FUT8: variants seen among roughly 807,000 people sequenced by gnomAD.
FUT8 encodes fucosyltransferase 8.
Under a neutral mutation model 71.3 loss-of-function variants are expected in FUT8, and 29 were observed. The ratio of observed to expected loss-of-function variants is 0.41; its 90% CI spans 0.30 to 0.55. FUT8 has a LOEUF of 0.55. FUT8 is among the 20% of genes least tolerant of loss of function. The pLI is 0.34. For missense variants in FUT8, 544 were observed against 702.1 expected (o/e 0.77, Z 2.55); for synonymous variants, 254 against 239.3 (o/e 1.06, Z -0.57).
At chr14:65,568,151 G>T (rs761071901) in intron 3 of FUT8, among the ~76,000 whole-genome samples, 1 of 151,482 alleles carries the variant, frequency 6.6e-6, no homozygotes, top group African/African-American at 2.4e-5. Context: ...TTGGTGAGAC[G>T]TGTTTTTCAA....
At chr14:65,587,841 A>G (rs909130394) in intron 3 of FUT8, among the ~76,000 whole-genome samples, 54 of 152,208 alleles carry the variant, frequency 3.5e-4, no homozygotes, top group Non-Finnish European at 7.3e-4. Context: ...ATTCTGTAAC[A>G]TTTGATGATA....
chr14:65,518,291 A>G (rs1882844361), intron 2 of FUT8, among the ~76,000 whole-genome samples: 1 of 152,190 alleles, frequency 6.6e-6, no homozygotes, highest in Non-Finnish European at 1.5e-5. Flanking sequence ...AACACAGCTA[A>G]GCAGAGCTTC....
At chr14:65,390,638 T>C in the FUT8 span, among the ~76,000 whole-genome samples, 3 of 152,214 alleles carry the variant, frequency 2.0e-5, no homozygotes, top group South Asian at 2.1e-4. Flanking sequence ...AGATGATGTA[T>C]TTAAAGGAGG....
the FUT8 span, among the ~76,000 whole-genome samples, chr14:65,390,347 T>G: frequency 6.6e-6 from 1 of 150,420 alleles, no homozygotes; most frequent in African/African-American, 2.4e-5. Flanking sequence ...AATACATGCT[T>G]GTAAGTAAGA....
At chr14:65,527,194 G>A (rs1222503241) in intron 2 of FUT8, among the ~76,000 whole-genome samples, 8 of 152,166 alleles carry the variant, frequency 5.3e-5, no homozygotes, top group Admixed American at 3.9e-4. Flanking sequence ...TCACTTTCAG[G>A]TATGCCAATC....
At chr14:65,641,884 C>G (rs1890859824) in intron 6 of FUT8, among the ~76,000 whole-genome samples, 1 of 151,042 alleles carries the variant, frequency 6.6e-6, no homozygotes, top group South Asian at 2.1e-4. Flanking sequence ...TGTTTGCTTT[C>G]TTCTTATTGA....
intron 1 of FUT8, among the ~76,000 whole-genome samples, chr14:65,418,861 T>C (rs2065254853): frequency 1.3e-5 from 2 of 152,234 alleles, no homozygotes; most frequent in African/African-American, 4.8e-5. Flanking sequence ...TATAATGATA[T>C]CATTTCCTTT....
At chr14:65,476,637 ATTTTTTTTTTTTTTTTTTTTTTT>A (rs200882761) in intron 2 of FUT8, among the ~76,000 whole-genome samples, 4 of 125,130 alleles carry the variant, frequency 3.2e-5, no homozygotes, top group Non-Finnish European at 5.1e-5. Flanking sequence ...AAAGAAGTAG[ATTTTTTTTTTTTTTTTTTTTTTT>A]TTTTTTTTTT....
At chr14:65,362,685 G>C in the FUT8 span, among the ~76,000 whole-genome samples, 1 of 152,042 alleles carries the variant, frequency 6.6e-6, no homozygotes, top group East Asian at 1.9e-4. Flanking sequence ...CTCATTAGCC[G>C]GGCGTGGTGG....
intron 2 of FUT8, among the ~76,000 whole-genome samples, chr14:65,547,757 A>G (rs1283799021): frequency 6.6e-6 from 1 of 151,846 alleles, no homozygotes; most frequent in Non-Finnish European, 1.5e-5. Flanking sequence ...GAATTATAGA[A>G]AATTAGCAAA....
chr14:65,449,311 GA>G (rs1455792738), intron 1 of FUT8, among the ~76,000 whole-genome samples: 2 of 152,194 alleles, frequency 1.3e-5, no homozygotes, highest in Non-Finnish European at 2.9e-5. Flanking sequence ...TTACAATGAT[GA>G]ATTCGTTTTT....
At chr14:65,516,313 A>C (rs1007809128) in intron 2 of FUT8, 10 of 152,340 alleles carry the variant, frequency 6.6e-5, no homozygotes, top group Admixed American at 3.3e-4. Flanking sequence ...CCCTGAAGAA[A>C]AGGATAAAAG....
At chr14:65,570,418 TG>T (rs1886407638) in intron 3 of FUT8, among the ~76,000 whole-genome samples, 1 of 150,274 alleles carries the variant, frequency 6.7e-6, no homozygotes, top group Non-Finnish European at 1.5e-5. Context: ...TTTTTTTTTC[TG>T]GGAGTGGTGG....
At chr14:65,477,381 A>G (rs1254208277) in intron 2 of FUT8, among the ~76,000 whole-genome samples, 2 of 152,234 alleles carry the variant, frequency 1.3e-5, no homozygotes, top group South Asian at 2.1e-4. Context: ...GTTGGAGACT[A>G]TGAATACCTT....
chr14:65,671,999 GT>G (rs1471272401), intron 7 of FUT8, among the ~76,000 whole-genome samples: 30 of 152,174 alleles, frequency 2.0e-4, no homozygotes, highest in Admixed American at 1.2e-3. Context: ...TTGACATGAT[GT>G]CCTTGCAGAT....
intron 9 of FUT8, 29 bp downstream of exon 9, chr14:65,724,352 G>T: frequency 7.0e-7 from 1 of 1,425,280 alleles, no homozygotes; most frequent in African/African-American, 1.4e-5. Context: ...TGATTCTAGA[G>T]TGGGGTTGTC....
intron 2 of FUT8, among the ~76,000 whole-genome samples, chr14:65,484,495 T>G (rs539656669): frequency 1.1e-4 from 16 of 152,176 alleles, no homozygotes; most frequent in Middle Eastern, 3.4e-3. Context: ...GTTGAAATGA[T>G]CCCATGTTTG....
intron 2 of FUT8, among the ~76,000 whole-genome samples, chr14:65,474,170 T>TA (rs1291954257): frequency 1.3e-5 from 2 of 151,704 alleles, no homozygotes; most frequent in African/African-American, 2.4e-5. Context: ...AGATAAGGGA[T>TA]AAAAAACGAT....
intron 2 of FUT8, among the ~76,000 whole-genome samples, chr14:65,528,169 G>C (rs1219111101): frequency 3.3e-5 from 5 of 152,238 alleles, no homozygotes; most frequent in Non-Finnish European, 7.3e-5. Flanking sequence ...GAGGCAGGCA[G>C]GCCTCCTTGA....
Sources: allele counts gnomAD v4.1 joint callset (sites outside exome capture counted in the v4.1 genomes callset), GRCh38; gene constraint gnomAD v4.1.1; transcripts MANE v1.5; gene names NCBI Gene and HGNC (gene_info 2026-07-23, HGNC 2026-07-21).